The following ENPP1 variants were observed in gnomAD, a reference collection of about 807,000 sequenced individuals.
The protein encoded by ENPP1 is ectonucleotide pyrophosphatase/phosphodiesterase 1.
ENPP1 carries 73 observed loss-of-function variants against 122.8 expected under a neutral mutation model. The ratio of observed to expected loss-of-function variants is 0.59; its 90% CI spans 0.49 to 0.72. The LOEUF is 0.72. Ranked by LOEUF, ENPP1 falls within the 30% of genes least tolerant of loss-of-function variation. The probability of loss-of-function intolerance (pLI) is 0.00; values close to 1 mark genes in which losing one functional copy is unlikely to be tolerated. For missense variants in ENPP1, 978 were observed against 1,128.1 expected (o/e 0.87, Z 1.91); for synonymous variants, 367 against 391.6 (o/e 0.94, Z 0.74).
At chr6:131,837,574 A>C (rs997827090) in intron 1 of ENPP1, among the ~76,000 whole-genome samples, 1 of 151,566 alleles carries the variant, frequency 6.6e-6, no homozygotes, top group Non-Finnish European at 1.5e-5. Flanking sequence ...AACAAACCAA[A>C]GTTTATAAAA....
chr6:131,860,817 G>A (rs962261274), intron 8 of ENPP1, among the ~76,000 whole-genome samples: 13 of 152,226 alleles, frequency 8.5e-5, no homozygotes, highest in South Asian at 2.1e-4. Flanking sequence ...ACAAAACTAC[G>A]TTGTTTTTGA....
chr6:131,868,608 T>TA (rs953986400), intron 12 of ENPP1, among the ~76,000 whole-genome samples: 1 of 152,094 alleles, frequency 6.6e-6, no homozygotes, highest in Non-Finnish European at 1.5e-5. Context: ...CCTGGCTAAT[T>TA]AAAAAAAATT....
chr6:131,849,476 G>A (rs1175102112), intron 2 of ENPP1, among the ~76,000 whole-genome samples: 2 of 152,158 alleles, frequency 1.3e-5, no homozygotes, highest in African/African-American at 4.8e-5. Flanking sequence ...ATGCCAGGGA[G>A]CATGTTCTGA....
intron 1 of ENPP1, among the ~76,000 whole-genome samples, chr6:131,839,335 T>C (rs1271269714): frequency 6.6e-6 from 1 of 152,090 alleles, no homozygotes; most frequent in East Asian, 1.9e-4. Flanking sequence ...GATCTTAGAC[T>C]TTTGTCTTAG....
intron 1 of ENPP1, among the ~76,000 whole-genome samples, chr6:131,821,103 C>T (rs1008215847): frequency 6.6e-6 from 1 of 152,178 alleles, no homozygotes; most frequent in African/African-American, 2.4e-5. Context: ...GGTCTGCAGA[C>T]TGACATATCA....
Position 131,851,147 on chromosome 6 carries a change from A to C in ENPP1, c.436A>C (p.Ile146Leu), listed in dbSNP as rs866637183. Residue 146 changes from isoleucine (I) to leucine (L), a missense_variant, in exon 4 of 25, where the codon ATA (isoleucine) becomes CTA (leucine). Around this residue, in one of 3 missense-constraint regions of ENPP1, gnomAD observed 330 missense variants for 328.5 expected, o/e 1.00. Transcript: ENST00000647893. Reference protein sequence around the residue: ...YQETCIEPEHIWTCNKFRCGE... With the variant: ...YQETCIEPEHLWTCNKFRCGE... ...TTGCTGATGTTTGTTTCTAGAACAT[A>C]TATGGACTTGCAACAAATTCAGGTG... The C allele has an allele frequency of 6.2e-7, 1 of 1,614,072 alleles. No homozygotes were observed. Among genetic ancestry groups the C allele is most frequent in the Non-Finnish European group, 8.5e-7 (1 of 1,179,936 alleles).
chr6:131,874,342 G>A lies in ENPP1; in HGVS notation c.1635+5G>A, dbSNP rs889005740. ...AATGTATTTTCAAATATGCAAGTGA[G>A]TAAACCTATTATACTTAATTGGATT... On this transcript the variant is annotated splice_donor_5th_base_variant and intron_variant, in intron 16 of 24. Transcript: ENST00000647893. The A allele has an allele frequency of 6.6e-7, 1 of 1,516,378 alleles. No individual in the cohort carries two copies. Among genetic ancestry groups the A allele is most frequent in the Non-Finnish European group, 9.1e-7 (1 of 1,092,946 alleles). The allele number at this position is 1,516,378 out of a possible 1,614,324, so 93.9% of individuals were successfully genotyped here.
chr6:131,873,942 C>T (rs560924541), intron 15 of ENPP1, among the ~76,000 whole-genome samples: 5 of 152,024 alleles, frequency 3.3e-5, no homozygotes, highest in South Asian at 2.1e-4. Context: ...TACAAATAAC[C>T]GACATGAGAA....
At chr6:131,840,982 G>T (rs190607476) in intron 1 of ENPP1, among the ~76,000 whole-genome samples, 12 of 152,238 alleles carry the variant, frequency 7.9e-5, no homozygotes, top group Non-Finnish European at 1.3e-4. Flanking sequence ...ATTTTCATGT[G>T]ACTAGTTATG....
intron 12 of ENPP1, 38 bp from the exon 13 acceptor site, chr6:131,869,320 A>T (rs775352628): frequency 6.2e-7 from 1 of 1,609,346 alleles, no homozygotes; most frequent in Non-Finnish European, 8.5e-7. Flanking sequence ...TTTTTTGTTA[A>T]AGTTACAGCA....
At chr6:131,810,035 A>G (rs1211294857) in intron 1 of ENPP1, among the ~76,000 whole-genome samples, 2 of 152,144 alleles carry the variant, frequency 1.3e-5, no homozygotes, top group African/African-American at 4.8e-5. Flanking sequence ...ATATCTTTTG[A>G]TGGAACACTG....
At chr6:131,886,946 T>TA (rs1782387496) in intron 24 of ENPP1, among the ~76,000 whole-genome samples, 1 of 107,464 alleles carries the variant, frequency 9.3e-6, no homozygotes, top group African/African-American at 3.0e-5. Flanking sequence ...TTTTTTTTTT[T>TA]AGAGATAGGG....
intron 6 of ENPP1, among the ~76,000 whole-genome samples, chr6:131,857,544 G>A (rs1336177807): frequency 3.4e-5 from 5 of 149,124 alleles, no homozygotes; most frequent in Admixed American, 6.7e-5. Context: ...GTAAACTATC[G>A]CAAGAACAAA....
At chr6:131,848,841 AGGTCAGG>A (rs1461187868) in intron 2 of ENPP1, among the ~76,000 whole-genome samples, 3 of 152,170 alleles carry the variant, frequency 2.0e-5, no homozygotes, top group Non-Finnish European at 4.4e-5. Context: ...CCCCCACTCC[AGGTCAGG>A]AAAGTTCGTA....
chr6:131,852,989 T>G (rs1444393722), intron 5 of ENPP1, among the ~76,000 whole-genome samples: 1 of 152,144 alleles, frequency 6.6e-6, no homozygotes, highest in African/African-American at 2.4e-5. Flanking sequence ...TATAAAGGTG[T>G]TAAGTGTATT....
Position 131,851,134 on chromosome 6 carries a change from G to A in ENPP1, c.431-8G>A. 1.2e-6 allele frequency: 2 copies of A among 1,613,890 alleles called. No individual in the cohort carries two copies. The highest frequency in any genetic ancestry group is 1.3e-5 in the African/African-American group (1 of 75,034). On this transcript the variant is annotated splice_polypyrimidine_tract_variant and splice_region_variant and intron_variant, in intron 3 of 24. Transcript: ENST00000647893. ...CATAAAACACATTTTGCTGATGTTT[G>A]TTTCTAGAACATATATGGACTTGCA...
rs1174599759 is a variant in ENPP1 at position 131,847,789 on chromosome 6, G to A, written c.254G>A (p.Cys85Tyr). The A allele has an allele frequency of 1.2e-6, 2 of 1,609,442 alleles. No individual in the cohort carries two copies. The highest frequency in any genetic ancestry group is 1.7e-6 in the Non-Finnish European group (2 of 1,176,988). ...TTCTCCCTACAGGTATTGTCAGTAT[G>A]TGTGTTAACAACAATACTTGGTTGT... ...YKVLSLVLSV[C>Y]VLTTILGCIF... Residue 85 changes from cysteine (C) to tyrosine (Y), a missense_variant, in exon 2 of 25, where the codon TGT (cysteine) becomes TAT (tyrosine). This residue lies in a region of ENPP1 where 330 missense variants were observed against 328.5 expected (regional missense o/e 1.00). Coordinates refer to ENST00000647893, the MANE Select transcript of ENPP1 (RefSeq NM_006208.3).
chr6:131,813,445 G>T (rs904823777), intron 1 of ENPP1, among the ~76,000 whole-genome samples: 2 of 151,852 alleles, frequency 1.3e-5, no homozygotes, highest in Non-Finnish European at 2.9e-5. Flanking sequence ...CAGGAGAATC[G>T]CTTGAACCTG....
intron 1 of ENPP1, among the ~76,000 whole-genome samples, chr6:131,839,503 A>G (rs858342): frequency 0.22 from 34,080 of 152,006 alleles, 4,229 homozygotes; most frequent in Middle Eastern, 0.43. Context: ...TTATGCTGAG[A>G]ACCCCTAAAA....
Sources: gnomAD v4.1 joint callset for allele counts (sites outside exome capture counted in the v4.1 genomes callset) on GRCh38, gnomAD v4.1.1 for gene constraint, gnomAD v4.1.1 regional missense constraint, MANE v1.5 for transcripts, NCBI Gene and HGNC (gene_info 2026-07-23, HGNC 2026-07-21) for gene names.